Variants in EIF4EBP1 observed in about 807,000 individuals in gnomAD.
EIF4EBP1 encodes the protein eukaryotic translation initiation factor 4E binding protein 1.
EIF4EBP1 carries 5 observed loss-of-function variants against 9.2 expected under a neutral mutation model. That is an observed-to-expected ratio of 0.54 (90% CI 0.28 to 1.14). EIF4EBP1 has a LOEUF of 1.14. Ranked by LOEUF, EIF4EBP1 falls within the 50% of genes most tolerant of loss-of-function variation. The pLI is 0.09. For missense variants in EIF4EBP1, 139 were observed against 169.6 expected (o/e 0.82, Z 1.00); for synonymous variants, 62 against 67.0 (o/e 0.93, Z 0.36).
chr8:38,050,261 C>G (rs1195115462), intron 1 of EIF4EBP1, among the ~76,000 whole-genome samples: 3 of 152,166 alleles, frequency 2.0e-5, no homozygotes, highest in Admixed American at 1.3e-4. Flanking sequence ...CCTGTTTCCT[C>G]CTGTTGATTT....
chr8:38,060,021 G>C lies in EIF4EBP1; in HGVS notation c.*86G>C. ...CCCACCAGCCAGGCCTTATGAAAGT[G>C]ATCATACTGGGCAGGCGTTGGCGTG... On this transcript the variant is annotated 3_prime_UTR_variant, in exon 3 of 3. Transcript: ENST00000338825. The C allele has an allele frequency of 2.2e-6, 3 of 1,376,438 alleles. No homozygotes were observed. The highest frequency in any genetic ancestry group is 3.1e-6 in the Non-Finnish European group (3 of 963,692). The allele number at this position is 1,376,438 out of a possible 1,614,324, so 85.3% of individuals were successfully genotyped here.
At position 38,036,118 on chromosome 8, in the gene EIF4EBP1, G is replaced by A. The variant is rs188500295; in HGVS notation, c.145+5400G>A. The stretch of plus-strand genomic sequence containing the variant: ...CCTCCTGAGTTCAAGCAATTCTCCT[G>A]CCTCGGCCTCCCGAGTAGCTGGGAC... On this transcript the variant is annotated intron_variant, in intron 1 of 2. Coordinates refer to ENST00000338825, the MANE Select transcript of EIF4EBP1 (RefSeq NM_004095.4). Among the ~76,000 whole-genome samples, 41 of 152,242 alleles carry A rather than the reference G, an allele frequency of 2.7e-4. No individual in the cohort carries two copies. In the East Asian group the frequency reaches 7.9e-3, roughly 29 times the overall value.
chr8:38,058,556 C>T (rs867821731), intron 2 of EIF4EBP1, among the ~76,000 whole-genome samples: 4 of 152,140 alleles, frequency 2.6e-5, no homozygotes, highest in African/African-American at 9.7e-5. Context: ...CAGCCCTGGA[C>T]CCCCCAAACT....
chr8:38,036,614 C>T (rs1809306142), intron 1 of EIF4EBP1, among the ~76,000 whole-genome samples: 1 of 152,006 alleles, frequency 6.6e-6, no homozygotes, highest in South Asian at 2.1e-4. Context: ...TCATATAGAC[C>T]TTTATTTTCA....
intron 1 of EIF4EBP1, among the ~76,000 whole-genome samples, chr8:38,054,203 A>C (rs1040848189): frequency 1.3e-5 from 2 of 152,176 alleles, no homozygotes; most frequent in Non-Finnish European, 2.9e-5. Flanking sequence ...TAACCCCAGC[A>C]CTTCGGGAGG....
In EIF4EBP1 at chr8:38,057,087, G is replaced by A. The variant is rs1033814505; in HGVS notation, c.152G>A (p.Arg51Lys). The change falls in exon 2 of 3, where the codon AGG becomes AAG. Residue 51 changes from arginine to lysine, a missense_variant. Coordinates refer to ENST00000338825, the MANE Select transcript of EIF4EBP1 (RefSeq NM_004095.4). ...CCTCCCTGTTCCCTTCTAGGTACCAGGATCATCTATGACCGGAAATTCCTG... is the reference window on the plus strand; with the variant it reads ...CCTCCCTGTTCCCTTCTAGGTACCAAGATCATCTATGACCGGAAATTCCTG... ...TLFSTTPGGT[R>K]IIYDRKFLME... 2 of 1,614,106 alleles carry A rather than the reference G, an allele frequency of 1.2e-6. No individual in the cohort carries two copies. Among genetic ancestry groups the A allele is most frequent in the East Asian group, 4.5e-5 (2 of 44,880 alleles).
At chr8:38,057,045 G>T in intron 1 of EIF4EBP1, 36 bp from the exon 2 acceptor site, 1 of 1,586,154 alleles carries the variant, frequency 6.3e-7, no homozygotes, top group Non-Finnish European at 8.6e-7. Context: ...GCAAGAGGCT[G>T]CAGATGGCTT....
intron 1 of EIF4EBP1, among the ~76,000 whole-genome samples, chr8:38,033,996 T>C (rs1250058239): frequency 1.3e-5 from 2 of 152,124 alleles, no homozygotes; most frequent in Non-Finnish European, 2.9e-5. Context: ...TCCGCCTGCA[T>C]TGGCCTCCCA....
chr8:38,039,937 G>GA (rs1211108629), intron 1 of EIF4EBP1, among the ~76,000 whole-genome samples: 2 of 152,134 alleles, frequency 1.3e-5, no homozygotes, highest in Admixed American at 6.6e-5. Context: ...TCTATGGGCT[G>GA]AAGTACAGTG....
At chr8:38,034,610 A>G (rs928326869) in intron 1 of EIF4EBP1, among the ~76,000 whole-genome samples, 1 of 152,206 alleles carries the variant, frequency 6.6e-6, no homozygotes, top group African/African-American at 2.4e-5. Context: ...TGAAGCCTAT[A>G]TACAGGCTTG....
chr8:38,058,151 G>A (rs1287611810), intron 2 of EIF4EBP1, among the ~76,000 whole-genome samples: 1 of 152,198 alleles, frequency 6.6e-6, no homozygotes, highest in Non-Finnish European at 1.5e-5. Context: ...ATAGTTGCCT[G>A]TGTCTTAGTC....
Position 38,031,145 on chromosome 8 carries a change from G to T in EIF4EBP1, c.145+427G>T, listed in dbSNP as rs554944019. 6.6e-5 allele frequency among the ~76,000 whole-genome samples: 10 copies of T among 152,294 alleles called. No homozygotes were observed. The South Asian group carries it at 2.1e-3, about 32-fold the overall frequency. On this transcript the variant is annotated intron_variant, in intron 1 of 2. Coordinates refer to ENST00000338825, the MANE Select transcript of EIF4EBP1 (RefSeq NM_004095.4). ...TGTTGGGATAAACGATTCCTGCAGG[G>T]CCCTTTTTCCTTCCCGAAGCACGCC...
chr8:38,060,274 A>G lies in EIF4EBP1; in HGVS notation c.*339A>G, dbSNP rs1015127099. On this transcript the variant is annotated 3_prime_UTR_variant, in exon 3 of 3. Transcript: ENST00000338825. ...GCCCCTCGCTGCTGGGGGCGCAACC[A>G]CCCCTTCCTTAGGTTGATGTGCTTG... 14 of 341,880 alleles carry G rather than the reference A, an allele frequency of 4.1e-5. No individual in the cohort carries two copies. Among genetic ancestry groups the G allele is most frequent in the Middle Eastern group, 8.6e-4 (1 of 1,166 alleles). The allele number at this position is 341,880 out of a possible 1,614,324, so 21.2% of individuals were successfully genotyped here.
intron 1 of EIF4EBP1, among the ~76,000 whole-genome samples, chr8:38,042,091 C>G (rs1809389301): frequency 6.6e-6 from 1 of 152,134 alleles, no homozygotes; most frequent in African/African-American, 2.4e-5. Context: ...GGCCATCACC[C>G]AAACCATCTC....
intron 1 of EIF4EBP1, 119 bp downstream of exon 1, chr8:38,030,837 G>A: frequency 7.5e-7 from 1 of 1,327,932 alleles, no homozygotes; most frequent in East Asian, 3.1e-5. Context: ...AACGGAAAAG[G>A]GGCATCGGAG....
intron 1 of EIF4EBP1, among the ~76,000 whole-genome samples, chr8:38,031,610 G>T (rs1162387096): frequency 6.6e-6 from 1 of 152,060 alleles, no homozygotes; most frequent in Non-Finnish European, 1.5e-5. Flanking sequence ...TCTCCTCCAC[G>T]CTGCTTTCCA....
chr8:38,056,422 T>C (rs1381796108), intron 1 of EIF4EBP1, among the ~76,000 whole-genome samples: 1 of 152,130 alleles, frequency 6.6e-6, no homozygotes, highest in Non-Finnish European at 1.5e-5. Flanking sequence ...AGAAATGCAT[T>C]TTTTCCACCG....
At chr8:38,043,549 G>A (rs1444716929) in intron 1 of EIF4EBP1, among the ~76,000 whole-genome samples, 3 of 151,942 alleles carry the variant, frequency 2.0e-5, no homozygotes, top group Non-Finnish European at 2.9e-5. Context: ...GTTTCAACAC[G>A]TTGGCATGCT....
chr8:38,032,299 G>A (rs1809236577), intron 1 of EIF4EBP1, among the ~76,000 whole-genome samples: 1 of 152,140 alleles, frequency 6.6e-6, no homozygotes, highest in African/African-American at 2.4e-5. Flanking sequence ...AATTGCTTGA[G>A]GCCAGGAGTT....
Sources: gnomAD v4.1 joint callset for allele counts (sites outside exome capture counted in the v4.1 genomes callset) on GRCh38, gnomAD v4.1.1 for gene constraint, MANE v1.5 for transcripts, NCBI Gene and HGNC (gene_info 2026-07-23, HGNC 2026-07-21) for gene names.